Variants in SLC14A2 observed in about 807,000 individuals in gnomAD.
SLC14A2 encodes solute carrier family 14 member 2, also known as urea transporter 2.
In SLC14A2, 91 loss-of-function variants were observed where a neutral mutation model predicts 104.6. The observed-to-expected ratio is 0.87, with a 90% CI of 0.73 to 1.04. The LOEUF (loss-of-function observed/expected upper bound fraction) is 1.04. Ranked by LOEUF, SLC14A2 falls within the 50% of genes least tolerant of loss-of-function variation. SLC14A2 has a pLI of 0.00. For missense variants in SLC14A2, 1,189 were observed against 1,156.0 expected, an observed-to-expected ratio of 1.03 and a Z score of -0.41; for synonymous variants, 476 against 466.4, an observed-to-expected ratio of 1.02 and a Z score of -0.27.
At chr18:45,340,684 C>T (rs939710144) in intron 1 of SLC14A2, among the ~76,000 whole-genome samples, 1 of 152,204 alleles carries the variant, frequency 6.6e-6, no homozygotes, top group Non-Finnish European at 1.5e-5. Context: ...CATTCTTTCT[C>T]TGCAATAATT....
chr18:45,523,218 G>A (rs190265054), intron 2 of SLC14A2, among the ~76,000 whole-genome samples: 17 of 152,170 alleles, frequency 1.1e-4, no homozygotes, highest in African/African-American at 3.4e-4. Context: ...CAGCCCCTAT[G>A]CTGAGTCTGG....
intron 12 of SLC14A2, 144 bp from the exon 13 acceptor site, chr18:45,666,791 T>C (rs2046032422): frequency 6.1e-6 from 4 of 655,314 alleles, no homozygotes; most frequent in Non-Finnish European, 1.0e-5. Context: ...GACAGTCTAA[T>C]CTACAGAAAC....
At chr18:45,508,682 C>G (rs1050541390) in intron 2 of SLC14A2, among the ~76,000 whole-genome samples, 1 of 152,130 alleles carries the variant, frequency 6.6e-6, no homozygotes, top group African/African-American at 2.4e-5. Flanking sequence ...GCAGAATGGC[C>G]AGTGTCCTTT....
chr18:45,444,186 G>T (rs975983703), intron 1 of SLC14A2, among the ~76,000 whole-genome samples: 1 of 152,202 alleles, frequency 6.6e-6, no homozygotes, highest in Non-Finnish European at 1.5e-5. Context: ...CTGTTCTAAG[G>T]TTTTCTGAGG....
chr18:45,561,315 A>C (rs1010888417), intron 2 of SLC14A2, among the ~76,000 whole-genome samples: 20 of 152,188 alleles, frequency 1.3e-4, no homozygotes, highest in African/African-American at 4.8e-4. Flanking sequence ...CTCAGTGGTC[A>C]TGCTTCCCTC....
At chr18:45,268,613 T>C (rs1261178700) in intron 1 of SLC14A2, among the ~76,000 whole-genome samples, 1 of 152,218 alleles carries the variant, frequency 6.6e-6, no homozygotes, top group Admixed American at 6.5e-5. Flanking sequence ...ATGTGTGGTA[T>C]GTGAGAGATT....
At chr18:45,177,550 C>T in the SLC14A2 span, among the ~76,000 whole-genome samples, 1 of 152,134 alleles carries the variant, frequency 6.6e-6, no homozygotes, top group African/African-American at 2.4e-5. Flanking sequence ...CTGTTTCCCG[C>T]ATCTGGAATG....
chr18:45,327,187 A>G (rs1025513715), intron 1 of SLC14A2, among the ~76,000 whole-genome samples: 35 of 152,100 alleles, frequency 2.3e-4, no homozygotes, highest in Non-Finnish European at 4.6e-4. Flanking sequence ...AAGCACCACA[A>G]TTCCCTATTA....
intron 1 of SLC14A2, among the ~76,000 whole-genome samples, chr18:45,356,598 A>G (rs2085556681): frequency 6.6e-6 from 1 of 152,214 alleles, no homozygotes; most frequent in East Asian, 1.9e-4. Context: ...TAGCTGGAGG[A>G]AAGGAAATAA....
chr18:45,590,228 C>T (rs975271269), intron 2 of SLC14A2, among the ~76,000 whole-genome samples: 1 of 152,152 alleles, frequency 6.6e-6, no homozygotes, highest in Non-Finnish European at 1.5e-5. Context: ...TGGCTCTTTC[C>T]ATCAAAGCAT....
At chr18:45,204,816 A>T in the SLC14A2 span, among the ~76,000 whole-genome samples, 9 of 152,104 alleles carry the variant, frequency 5.9e-5, no homozygotes, top group African/African-American at 2.2e-4. Context: ...GAGATAAAAA[A>T]AAAAAAAAAA....
In SLC14A2 at chr18:45,227,751, G is replaced by C. The variant is rs114450498; in HGVS notation, c.-125+14560G>C. On this transcript the variant is annotated intron_variant, in intron 1 of 20. Coordinates refer to the SLC14A2 transcript ENST00000586448. The stretch of plus-strand genomic sequence containing the variant: ...AGAAAAAATTGGAAAACCAAGTGGG[G>C]CTTAGATTGTGGTGCAATGTAAGTA... 2.1e-3 allele frequency among the ~76,000 whole-genome samples: 316 copies of C among 152,254 alleles called. 4 individuals carry two copies. Among genetic ancestry groups the C allele is most frequent in the African/African-American group, 7.5e-3 (310 of 41,538 alleles).
intron 2 of SLC14A2, among the ~76,000 whole-genome samples, chr18:45,607,340 G>A (rs895218247): frequency 2.6e-5 from 4 of 152,100 alleles, no homozygotes; most frequent in African/African-American, 9.7e-5. Flanking sequence ...TACATGGTCT[G>A]TCATCCCATT....
intron 1 of SLC14A2, among the ~76,000 whole-genome samples, chr18:45,308,233 T>C (rs1054043075): frequency 6.6e-6 from 1 of 152,226 alleles, no homozygotes; most frequent in Non-Finnish European, 1.5e-5. Context: ...TTGCTTACTA[T>C]GTGCTAAGCT....
rs371829498 is a variant in SLC14A2, at chr18:45,667,096, T to G, written c.1717+2T>G. On this transcript the variant is annotated splice_donor_variant, in intron 13 of 19. Transcript: ENST00000255226. LOFTEE classifies it high-confidence loss of function. ...AGGAGTGTGGAGAGGGACTTAAAGG[T>G]AAAATTCTATGAGAACAACACTGAC... 3.1e-6 allele frequency: 5 copies of G among 1,611,812 alleles called. No individual in the cohort carries two copies. The highest frequency in any genetic ancestry group is 4.2e-6 in the Non-Finnish European group (5 of 1,178,794).
chr18:45,222,478 AG>A (rs2084072694), intron 1 of SLC14A2, among the ~76,000 whole-genome samples: 1 of 152,188 alleles, frequency 6.6e-6, no homozygotes, highest in East Asian at 1.9e-4. Context: ...TTCTGTTCTA[AG>A]GGCTCAGAGG....
At chr18:45,388,820 A>G (rs925938021) in intron 1 of SLC14A2, among the ~76,000 whole-genome samples, 5 of 152,180 alleles carry the variant, frequency 3.3e-5, no homozygotes, top group Non-Finnish European at 7.4e-5. Flanking sequence ...GGTGCACACA[A>G]ATACGCATTT....
rs148279021 is a variant in SLC14A2 at position 45,351,207 on chromosome 18, A to T, written c.-124-132026A>T. On this transcript the variant is annotated intron_variant, in intron 1 of 20. Coordinates refer to the SLC14A2 transcript ENST00000586448. ...CATTATTGAAGGAAAGGGACCTTAT[A>T]TGAGGTGGTAGAAAAATCTTGACCC... 5.9e-5 allele frequency among the ~76,000 whole-genome samples: 9 copies of T among 152,298 alleles called. No homozygotes were observed. The East Asian group carries it at 1.7e-3, about 29-fold the overall frequency.
rs79026946 is a variant in SLC14A2, at chr18:45,360,976, C to T, written c.-124-122257C>T. On this transcript the variant is annotated intron_variant, in intron 1 of 20. Transcript: ENST00000586448. The stretch of plus-strand genomic sequence containing the variant: ...TCACTTTTTTCTCTACTCACTCCCT[C>T]GCTTCCAATATTTAAGTCTTTAAAA... Among the ~76,000 whole-genome samples, 902 of 152,262 alleles carry T rather than the reference C, an allele frequency of 5.9e-3. 5 individuals carry two copies. Among genetic ancestry groups the T allele is most frequent in the Non-Finnish European group, 8.6e-3 (584 of 68,022 alleles).
Sources: gnomAD v4.1 joint callset for allele counts (sites outside exome capture counted in the v4.1 genomes callset) on GRCh38, gnomAD v4.1.1 for gene constraint, MANE v1.5 for transcripts, NCBI Gene and HGNC (gene_info 2026-07-23, HGNC 2026-07-21) for gene names.